The following ZMIZ1 variants were observed in gnomAD, a reference collection of about 807,000 sequenced individuals.
ZMIZ1 encodes zinc finger MIZ domain-containing protein 1.
ZMIZ1 carries 17 observed loss-of-function variants against 113.9 expected under a neutral mutation model. The observed-to-expected ratio is 0.15, with a 90% CI of 0.10 to 0.22. ZMIZ1 has a LOEUF of 0.22. Among genes scored for constraint, ZMIZ1 ranks in the 10% least tolerant of loss-of-function variants. The pLI is 1.00. For synonymous variants in ZMIZ1, 607 were observed against 603.1 expected, an observed-to-expected ratio of 1.01 and a Z score of -0.09; for missense variants, 1,059 against 1,477.8, an observed-to-expected ratio of 0.72 and a Z score of 4.65.
chr10:79,252,975 A>G (rs1355812741), intron 7 of ZMIZ1, among the ~76,000 whole-genome samples: 4 of 152,210 alleles, frequency 2.6e-5, no homozygotes, highest in Non-Finnish European at 4.4e-5. Context: ...TGAATGAACA[A>G]AAGAAGAGCT....
In ZMIZ1 at chr10:79,302,104, C is replaced by A. The variant is rs1295849419; in HGVS notation, c.2020-3C>A. 1 of 1,613,802 alleles carries A rather than the reference C, an allele frequency of 6.2e-7. No individual in the cohort carries two copies. Among genetic ancestry groups the A allele is most frequent in the Admixed American group, 1.7e-5 (1 of 60,030 alleles). The stretch of plus-strand genomic sequence containing the variant: ...GAACTGAGTGTCTCCTCTCTCCCCG[C>A]AGTCCCACCTCTTCGTGCTGCAGCT... On this transcript the variant is annotated splice_region_variant and splice_polypyrimidine_tract_variant and intron_variant, in intron 17 of 24. Transcript: ENST00000334512.
chr10:79,251,690 C>T (rs913479095), intron 7 of ZMIZ1, among the ~76,000 whole-genome samples: 4 of 152,218 alleles, frequency 2.6e-5, no homozygotes, highest in Admixed American at 1.3e-4. Flanking sequence ...GCTCAGGGCT[C>T]ACTCAGTGTT....
chr10:79,114,516 T>C (rs1207826746), intron 1 of ZMIZ1, among the ~76,000 whole-genome samples: 41 of 135,884 alleles, frequency 3.0e-4, no homozygotes, highest in Non-Finnish European at 5.0e-4. Flanking sequence ...CGTGTGTGTG[T>C]GTGTGTGTGT....
rs115043161 is a variant in ZMIZ1, at chr10:79,101,312, G to A, written c.-336-17603G>A. ...TGAGTAAGTCCTCTAGGATGAGGGG[G>A]AAGTTCCTAGTCTGGAAGTGAGGGA... On this transcript the variant is annotated intron_variant, in intron 1 of 24. Coordinates refer to ENST00000334512, the MANE Select transcript of ZMIZ1 (RefSeq NM_020338.4). Among the ~76,000 whole-genome samples, 1,471 of 152,256 alleles carry A rather than the reference G, an allele frequency of 9.7e-3. 21 individuals carry two copies. The highest frequency in any genetic ancestry group is 0.033 in the African/African-American group (1,380 of 41,524).
chr10:79,301,065 C>G lies in ZMIZ1; in HGVS notation c.2019+123C>G, dbSNP rs1196501682. 4 of 1,372,922 alleles carry G rather than the reference C, an allele frequency of 2.9e-6. No individual in the cohort carries two copies. In the African/African-American group the frequency reaches 5.7e-5, roughly 20 times the overall value. 85.0% of individuals were successfully genotyped at this position (1,372,922 alleles called of 1,614,324 possible). On this transcript the variant is annotated intron_variant, in intron 17 of 24. Transcript: ENST00000334512. Reference sequence around the variant, plus strand: ...GTCCCTGCGTCACCACCCCCGTGCCCACAGCCGCCAAAGATACAGCGTCCC... The same window carrying G: ...GTCCCTGCGTCACCACCCCCGTGCCGACAGCCGCCAAAGATACAGCGTCCC...
intron 2 of ZMIZ1, among the ~76,000 whole-genome samples, chr10:79,124,638 C>T (rs1294287553): frequency 1.3e-5 from 2 of 152,188 alleles, no homozygotes; most frequent in African/African-American, 4.8e-5. Flanking sequence ...GTCACAGTCT[C>T]CAGTGCAGGG....
At chr10:79,280,919 C>T (rs1852694402) in intron 8 of ZMIZ1, among the ~76,000 whole-genome samples, 1 of 152,194 alleles carries the variant, frequency 6.6e-6, no homozygotes, top group South Asian at 2.1e-4. Context: ...TGCAGTTGCC[C>T]TCGGGAAGCT....
chr10:79,230,210 T>G (rs931763057), intron 7 of ZMIZ1, among the ~76,000 whole-genome samples: 8 of 149,666 alleles, frequency 5.3e-5, no homozygotes, highest in African/African-American at 2.0e-4. Flanking sequence ...TCCTTTCTCC[T>G]CCTTTCCCTC....
chr10:79,136,915 A>C (rs531369181), intron 2 of ZMIZ1, among the ~76,000 whole-genome samples: 1 of 152,200 alleles, frequency 6.6e-6, no homozygotes, highest in South Asian at 2.1e-4. Context: ...AGAGTGTTCT[A>C]GGTGGGAGGG....
chr10:79,300,732 G>A lies in ZMIZ1; in HGVS notation c.1809G>A (p.Arg603=). ...RPTVHQTLMW[R]SDLELQFKCY... is the part of the protein sequence containing the mutation. ...CTGAGCACCCTCGTTCCCCACCTAGGTCTGACCTGGAGCTGCAGTTCAAGT... is the reference window on the plus strand; with the variant it reads ...CTGAGCACCCTCGTTCCCCACCTAGATCTGACCTGGAGCTGCAGTTCAAGT... The change falls in exon 17 of 25, where the codon AGG becomes AGA. Residue 603 remains arginine (R), a splice_region_variant and synonymous_variant. Transcript: ENST00000334512. The A allele has an allele frequency of 6.2e-7, 1 of 1,613,482 alleles. No homozygotes were observed. Among genetic ancestry groups the A allele is most frequent in the Non-Finnish European group, 8.5e-7 (1 of 1,179,964 alleles).
intron 6 of ZMIZ1, among the ~76,000 whole-genome samples, chr10:79,214,287 A>G (rs1285446689): frequency 1.3e-5 from 2 of 152,206 alleles, no homozygotes; most frequent in Admixed American, 6.5e-5. Flanking sequence ...AGGAGTGTGG[A>G]AGACTTCTGT....
intron 4 of ZMIZ1, among the ~76,000 whole-genome samples, chr10:79,187,058 T>TA (rs1225677370): frequency 3.3e-5 from 5 of 152,242 alleles, no homozygotes; most frequent in African/African-American, 1.2e-4. Flanking sequence ...GGTAGGTTGG[T>TA]ACTGTTTGTC....
At position 79,297,518 on chromosome 10, in the gene ZMIZ1, C is replaced by G. The variant is rs974378104; in HGVS notation, c.1414-95C>G. 4.2e-5 allele frequency: 44 copies of G among 1,045,466 alleles called. No individual in the cohort carries two copies. The South Asian group carries it at 5.4e-4, about 13-fold the overall frequency. 64.8% of individuals were successfully genotyped at this position (1,045,466 alleles called of 1,614,324 possible). On this transcript the variant is annotated intron_variant, in intron 13 of 24. Coordinates refer to ENST00000334512, the MANE Select transcript of ZMIZ1 (RefSeq NM_020338.4). ...GCAGTGGATGGGCCCCTGTAGCATC[C>G]CCGTGCTCCTGGTAGATTTTACTGT...
chr10:79,296,923 A>C lies in ZMIZ1; in HGVS notation c.1413+270A>C. 2.9e-6 allele frequency: 1 copy of C among 348,646 alleles called. No homozygotes were observed. The allele number at this position is 348,646 out of a possible 1,614,324, so 21.6% of individuals were successfully genotyped here. A position where few individuals can be genotyped will look rare whatever the true frequency, so the allele number is the denominator to read the frequency against. On this transcript the variant is annotated intron_variant, in intron 13 of 24. Coordinates refer to ENST00000334512, the MANE Select transcript of ZMIZ1 (RefSeq NM_020338.4). This position sits in a 1 kb window ranked among gnomAD's most constrained non-coding sequence, Gnocchi z 4.1. ...ACGGCACTCACAAAATAATAAAGGA[A>C]ATATATTTTATTAAAAAAACACACA...
At chr10:79,305,499 G>A in intron 20 of ZMIZ1, 34 bp from the exon 21 acceptor site, 2 of 1,612,712 alleles carry the variant, frequency 1.2e-6, no homozygotes, top group Non-Finnish European at 1.7e-6. Flanking sequence ...TTGGGTCCTG[G>A]AGCAGAGGCC....
intron 3 of ZMIZ1, among the ~76,000 whole-genome samples, chr10:79,142,441 G>A (rs1845310189): frequency 6.6e-6 from 1 of 152,070 alleles, no homozygotes; most frequent in African/African-American, 2.4e-5. Context: ...GGTCTGCAGA[G>A]GAGCTGGAGA....
intron 3 of ZMIZ1, among the ~76,000 whole-genome samples, chr10:79,144,109 G>T (rs1385031540): frequency 6.6e-6 from 1 of 152,106 alleles, no homozygotes. Flanking sequence ...CCGGCGGAGG[G>T]GACGAGTAAT....
At chr10:79,089,520 T>G (rs1051220665) in intron 1 of ZMIZ1, among the ~76,000 whole-genome samples, 1 of 152,166 alleles carries the variant, frequency 6.6e-6, no homozygotes, top group African/African-American at 2.4e-5. Context: ...CCCTGGGCCC[T>G]GAAAACCCGG....
At chr10:79,272,773 C>T (rs1025812919) in intron 7 of ZMIZ1, among the ~76,000 whole-genome samples, 3 of 152,194 alleles carry the variant, frequency 2.0e-5, no homozygotes, top group Middle Eastern at 3.2e-3. Context: ...TCACTTTAGA[C>T]GAGTTGGGTG....
Sources: gnomAD v4.1 joint callset for allele counts (sites outside exome capture counted in the v4.1 genomes callset) on GRCh38, gnomAD v4.1.1 for gene constraint, Gnocchi (gnomAD v3.1) non-coding constraint, MANE v1.5 for transcripts, NCBI Gene and HGNC (gene_info 2026-07-23, HGNC 2026-07-21) for gene names.